PHAX: variants seen among roughly 807,000 people sequenced by gnomAD.
The protein encoded by PHAX is phosphorylated adapter RNA export protein.
PHAX carries 31 observed loss-of-function variants against 41.6 expected under a neutral mutation model. That is an observed-to-expected ratio of 0.75 (90% CI 0.56 to 1.01). PHAX has a LOEUF of 1.01. Ranked by LOEUF, PHAX falls within the 50% of genes least tolerant of loss-of-function variation. The pLI is 0.00. For missense variants in PHAX, 453 were observed against 472.9 expected, an observed-to-expected ratio of 0.96 and a Z score of 0.39; for synonymous variants, 175 against 164.9, an observed-to-expected ratio of 1.06 and a Z score of -0.47.
chr5:126,604,273 C>CTT, intron 2 of PHAX, 90 bp downstream of exon 2: 1 of 791,602 alleles, frequency 1.3e-6, no homozygotes, highest in Non-Finnish European at 1.7e-6. Context: ...ATGATATGTT[C>CTT]CTTTTTTTTT....
intron 4 of PHAX, among the ~76,000 whole-genome samples, chr5:126,623,994 T>G (rs77644417): frequency 0.016 from 2,434 of 149,986 alleles, 53 homozygotes; most frequent in East Asian, 0.051. Flanking sequence ...CTTTTTGTTT[T>G]GGTTTGGTTT....
In PHAX at chr5:126,617,972, G is replaced by T. The variant is rs114798060; in HGVS notation, c.915+639G>T. ...CTTTCTTTTTTCCCCTTGAGACAGG[G>T]TCTAAGGACCTGGCTCTATTGCCCA... On this transcript the variant is annotated intron_variant, in intron 4 of 4. Transcript: ENST00000297540. 2.9e-3 allele frequency among the ~76,000 whole-genome samples: 440 copies of T among 152,088 alleles called. 5 individuals are homozygous for T. Among genetic ancestry groups the T allele is most frequent in the African/African-American group, 0.01 (424 of 41,480 alleles).
intron 4 of PHAX, among the ~76,000 whole-genome samples, chr5:126,618,625 AT>A (rs11399681): frequency 4.1e-4 from 60 of 145,896 alleles, no homozygotes; most frequent in East Asian, 2.4e-3. Flanking sequence ...TTTTAATTAA[AT>A]TTTTTTTTTT....
intron 4 of PHAX, among the ~76,000 whole-genome samples, chr5:126,624,014 T>TG (rs1752310648): frequency 1.3e-5 from 2 of 150,068 alleles, no homozygotes. Flanking sequence ...TTGGGTTTTT[T>TG]TTTTTTTTTT....
chr5:126,612,431 G>A (rs964262064), intron 3 of PHAX, among the ~76,000 whole-genome samples: 12 of 152,136 alleles, frequency 7.9e-5, no homozygotes, highest in Non-Finnish European at 1.5e-4. Context: ...CGGGCGTGGT[G>A]GCTCACACCT....
Position 126,625,032 on chromosome 5 carries a change from ATACTT to A in PHAX, c.*189_*193del, listed in dbSNP as rs1197909221. ...AACATTTAAAGATATATCTGACAAA[ATACTT>A]AAGAGTATATAGCACAGGATTTAAT... is the stretch of plus-strand genomic sequence containing the variant. On this transcript the variant is annotated 3_prime_UTR_variant, in exon 5 of 5. Coordinates refer to ENST00000297540, the MANE Select transcript of PHAX (RefSeq NM_032177.4). 29 of 581,430 alleles carry A rather than the reference ATACTT, an allele frequency of 5.0e-5. No individual in the cohort carries two copies. In the East Asian group the frequency reaches 7.9e-4, roughly 16 times the overall value. The allele number at this position is 581,430 out of a possible 1,614,324, so 36.0% of individuals were successfully genotyped here. A position where few individuals can be genotyped will look rare whatever the true frequency, so the allele number is the denominator to read the frequency against.
At chr5:126,617,644 GA>G (rs1310833484) in intron 4 of PHAX, among the ~76,000 whole-genome samples, 2 of 151,774 alleles carry the variant, frequency 1.3e-5, no homozygotes, top group African/African-American at 2.4e-5. Flanking sequence ...ATGCCTGGCT[GA>G]TTTTTGTATT....
chr5:126,624,984 G>T lies in PHAX; in HGVS notation c.*140G>T, dbSNP rs2112840230. The stretch of plus-strand genomic sequence containing the variant: ...AATTGTTTTCTTGTTTAAAATATGT[G>T]TGGAAAGGAATGCAATTGATAGAAC... On this transcript the variant is annotated 3_prime_UTR_variant, in exon 5 of 5. Transcript: ENST00000297540. The T allele has an allele frequency of 1.3e-6, 1 of 745,676 alleles. No homozygotes were observed. The highest frequency in any genetic ancestry group is 2.7e-5 in the East Asian group (1 of 37,144). The allele number at this position is 745,676 out of a possible 1,614,324, so 46.2% of individuals were successfully genotyped here. A position where few individuals can be genotyped will look rare whatever the true frequency, so the allele number is the denominator to read the frequency against.
intron 4 of PHAX, among the ~76,000 whole-genome samples, chr5:126,623,093 T>G: frequency 6.7e-6 from 1 of 150,198 alleles, no homozygotes; most frequent in East Asian, 1.9e-4. Flanking sequence ...ACGACTACAC[T>G]CCAGCCTGGG....
At chr5:126,622,666 C>T (rs537578220) in intron 4 of PHAX, among the ~76,000 whole-genome samples, 1 of 152,000 alleles carries the variant, frequency 6.6e-6, no homozygotes, top group Non-Finnish European at 1.5e-5. Flanking sequence ...TCAGTGTTAC[C>T]AAGCATTATA....
chr5:126,610,481 TACAGAAGTCAAA>T (rs1325855719), intron 3 of PHAX, among the ~76,000 whole-genome samples: 2 of 152,286 alleles, frequency 1.3e-5, no homozygotes, highest in Non-Finnish European at 2.9e-5. Context: ...GAACATAAAT[TACAGAAGTCAAA>T]ACAGAAGTTA....
At chr5:126,610,057 A>C (rs1479644012) in intron 3 of PHAX, among the ~76,000 whole-genome samples, 2 of 152,216 alleles carry the variant, frequency 1.3e-5, no homozygotes, top group African/African-American at 2.4e-5. Context: ...TTATGTAAGC[A>C]CAGATAGATA....
At chr5:126,619,439 G>A (rs942587604) in intron 4 of PHAX, among the ~76,000 whole-genome samples, 1 of 152,046 alleles carries the variant, frequency 6.6e-6, no homozygotes, top group Admixed American at 6.6e-5. Flanking sequence ...AACCAGGCAT[G>A]GTGGCGGGCG....
chr5:126,605,160 C>A (rs1751969964), intron 2 of PHAX, among the ~76,000 whole-genome samples: 1 of 151,744 alleles, frequency 6.6e-6, no homozygotes, highest in Non-Finnish European at 1.5e-5. Context: ...ACTGCGCTGT[C>A]CACAGATTTT....
At chr5:126,613,763 TTTTC>T (rs998471622) in intron 3 of PHAX, among the ~76,000 whole-genome samples, 8 of 147,978 alleles carry the variant, frequency 5.4e-5, no homozygotes, top group Admixed American at 3.4e-4. Flanking sequence ...TTTCTTTTCT[TTTTC>T]TTTCTTTCTT....
In PHAX at chr5:126,612,372, A is replaced by G. The variant is rs1372419812; in HGVS notation, c.831+3888A>G. On this transcript the variant is annotated intron_variant, in intron 3 of 4. Coordinates refer to ENST00000297540, the MANE Select transcript of PHAX (RefSeq NM_032177.4). ...AGGAATTTTCCTTTTACTTTAAATG[A>G]AATGGCCCATAGAGGGTTTTGAACA... Among the ~76,000 whole-genome samples the G allele has an allele frequency of 2.6e-5, 4 of 152,092 alleles. No homozygotes were observed. The South Asian group carries it at 6.2e-4, about 24-fold the overall frequency.
At chr5:126,614,856 A>C (rs1228890475) in intron 3 of PHAX, among the ~76,000 whole-genome samples, 1 of 151,990 alleles carries the variant, frequency 6.6e-6, no homozygotes, top group African/African-American at 2.4e-5. Context: ...TCCCGGGTTC[A>C]AGCGATTCTC....
intron 3 of PHAX, among the ~76,000 whole-genome samples, chr5:126,614,313 G>C: frequency 6.6e-6 from 1 of 151,968 alleles, no homozygotes; most frequent in East Asian, 1.9e-4. Flanking sequence ...TGGCCAGGCT[G>C]GTCTCAAACT....
intron 4 of PHAX, among the ~76,000 whole-genome samples, chr5:126,618,378 C>G (rs1047771769): frequency 6.6e-6 from 1 of 150,882 alleles, no homozygotes; most frequent in Non-Finnish European, 1.5e-5. Flanking sequence ...TGCCATCCCC[C>G]ACCAAAAAAA....
Sources: gnomAD v4.1 joint callset for allele counts (sites outside exome capture counted in the v4.1 genomes callset) on GRCh38, gnomAD v4.1.1 for gene constraint, MANE v1.5 for transcripts, NCBI Gene and HGNC (gene_info 2026-07-23, HGNC 2026-07-21) for gene names.